Variants in GRIK2 observed in about 807,000 individuals in gnomAD.
GRIK2 encodes the protein glutamate receptor ionotropic, kainate 2.
In GRIK2, 32 loss-of-function variants were observed where a neutral mutation model predicts 100.3. That is an observed-to-expected ratio of 0.32 (90% CI 0.24 to 0.43). The LOEUF (loss-of-function observed/expected upper bound fraction) is 0.43. Ranked by LOEUF, GRIK2 falls within the 20% of genes least tolerant of loss-of-function variation. GRIK2 has a pLI of 1.00. For synonymous variants in GRIK2, 417 were observed against 389.4 expected (o/e 1.07, Z -0.83); for missense variants, 843 against 1,114.9 (o/e 0.76, Z 3.47).
chr6:101,618,528 A>G (rs551923347), intron 2 of GRIK2, among the ~76,000 whole-genome samples: 1 of 151,834 alleles, frequency 6.6e-6, no homozygotes, highest in Non-Finnish European at 1.5e-5. Flanking sequence ...CTTTAATTCT[A>G]AACATAAACT....
At chr6:101,837,652 C>T (rs58930887) in intron 10 of GRIK2, among the ~76,000 whole-genome samples, 13,457 of 152,086 alleles carry the variant, frequency 0.088, 1,626 homozygotes, top group African/African-American at 0.28. Flanking sequence ...TTAATCTCTG[C>T]GAATCTAGAG....
chr6:101,959,078 A>G (rs1792122594), intron 14 of GRIK2, among the ~76,000 whole-genome samples: 1 of 151,926 alleles, frequency 6.6e-6, no homozygotes, highest in Non-Finnish European at 1.5e-5. Context: ...CATCAATTTT[A>G]TGCAACAGTT....
At chr6:101,793,057 G>A (rs949563035) in intron 7 of GRIK2, among the ~76,000 whole-genome samples, 25 of 152,124 alleles carry the variant, frequency 1.6e-4, no homozygotes, top group East Asian at 1.4e-3. Flanking sequence ...TTTCACCTCC[G>A]TCAGCTCCTT....
intron 14 of GRIK2, among the ~76,000 whole-genome samples, chr6:101,949,091 A>G (rs1487957756): frequency 2.0e-5 from 3 of 152,190 alleles, no homozygotes; most frequent in Admixed American, 2.0e-4. Context: ...GTTTAACTTT[A>G]TGATAAAAAT....
At chr6:101,553,167 A>G (rs1315775903) in intron 2 of GRIK2, among the ~76,000 whole-genome samples, 2 of 152,226 alleles carry the variant, frequency 1.3e-5, no homozygotes, top group Non-Finnish European at 1.5e-5. Flanking sequence ...CATAAACACT[A>G]CAATAGATTT....
At chr6:101,715,039 G>C (rs750308779) in intron 7 of GRIK2, among the ~76,000 whole-genome samples, 2 of 151,114 alleles carry the variant, frequency 1.3e-5, no homozygotes, top group African/African-American at 2.4e-5. Context: ...TTTATTTCCA[G>C]GATCAGAAAA....
chr6:101,758,759 G>A (rs987943588), intron 7 of GRIK2, among the ~76,000 whole-genome samples: 1 of 152,152 alleles, frequency 6.6e-6, no homozygotes, highest in Admixed American at 6.5e-5. Context: ...ATTTTATTAC[G>A]TGATAAACTG....
intron 14 of GRIK2, among the ~76,000 whole-genome samples, chr6:102,028,393 A>C (rs1394280658): frequency 6.6e-6 from 1 of 151,316 alleles, no homozygotes; most frequent in Non-Finnish European, 1.5e-5. Context: ...GAAAAAAACA[A>C]ATCGGCTTAC....
At chr6:101,475,718 G>C (rs1293319955) in intron 2 of GRIK2, among the ~76,000 whole-genome samples, 1 of 151,732 alleles carries the variant, frequency 6.6e-6, no homozygotes, top group African/African-American at 2.4e-5. Context: ...TAGTACTATT[G>C]GGTAGCATAC....
chr6:101,582,006 C>G (rs1482603095), intron 2 of GRIK2, among the ~76,000 whole-genome samples: 4 of 151,934 alleles, frequency 2.6e-5, no homozygotes, highest in Non-Finnish European at 5.9e-5. Flanking sequence ...ATGCTTTTCC[C>G]CCATACTGTC....
chr6:101,484,471 C>T (rs978701940), intron 2 of GRIK2, among the ~76,000 whole-genome samples: 3 of 151,628 alleles, frequency 2.0e-5, no homozygotes, highest in Admixed American at 2.0e-4. Flanking sequence ...ATTTTTAAAA[C>T]ATTTTAAATA....
intron 2 of GRIK2, among the ~76,000 whole-genome samples, chr6:101,582,734 T>C (rs1267391148): frequency 6.6e-6 from 1 of 152,138 alleles, no homozygotes. Flanking sequence ...GAGCATGAAA[T>C]ACACACATAA....
chr6:101,724,953 TTCTG>T, intron 7 of GRIK2, among the ~76,000 whole-genome samples: 2 of 152,118 alleles, frequency 1.3e-5, no homozygotes, highest in South Asian at 4.2e-4. Flanking sequence ...AACCTGCCTT[TTCTG>T]TCTCTTTTTC....
chr6:101,413,037 T>A (rs549570496), intron 2 of GRIK2, among the ~76,000 whole-genome samples: 2 of 152,182 alleles, frequency 1.3e-5, no homozygotes, highest in South Asian at 2.1e-4. Flanking sequence ...CCAGACTATA[T>A]CAGCATTTAA....
At chr6:101,819,865 A>G (rs1781850938) in intron 10 of GRIK2, among the ~76,000 whole-genome samples, 1 of 152,124 alleles carries the variant, frequency 6.6e-6, no homozygotes, top group African/African-American at 2.4e-5. Context: ...ATCAACAACA[A>G]CAACACAACA....
chr6:101,668,247 T>C (rs1233169499), intron 4 of GRIK2, among the ~76,000 whole-genome samples: 3 of 152,198 alleles, frequency 2.0e-5, no homozygotes, highest in African/African-American at 7.2e-5. Flanking sequence ...CAATTATCTC[T>C]GTTTTCAATG....
chr6:101,707,564 GTA>G (rs1309086719), intron 7 of GRIK2, among the ~76,000 whole-genome samples: 2 of 97,442 alleles, frequency 2.1e-5, no homozygotes, highest in Non-Finnish European at 3.6e-5. Flanking sequence ...GTATATATAT[GTA>G]TATATGTGTA....
At chr6:101,428,596 C>T (rs144906601) in intron 2 of GRIK2, among the ~76,000 whole-genome samples, 25 of 152,074 alleles carry the variant, frequency 1.6e-4, no homozygotes, top group Admixed American at 5.9e-4. Context: ...CTTGCAGTTA[C>T]GTAAGGAAAT....
chr6:102,033,718 A>C (rs1291057595), intron 14 of GRIK2, among the ~76,000 whole-genome samples: 1 of 151,360 alleles, frequency 6.6e-6, no homozygotes, highest in Non-Finnish European at 1.5e-5. Flanking sequence ...TTTTGCCATT[A>C]AAATAATAGA....
Sources: allele counts gnomAD v4.1 joint callset (sites outside exome capture counted in the v4.1 genomes callset), GRCh38; gene constraint gnomAD v4.1.1; transcripts MANE v1.5; gene names NCBI Gene and HGNC (gene_info 2026-07-23, HGNC 2026-07-21).